The following RAMP1 variants were observed in gnomAD, a reference collection of about 807,000 sequenced individuals.
RAMP1 encodes the protein receptor activity-modifying protein 1.
A neutral mutation model predicts 8.2 loss-of-function variants in RAMP1; 7 were observed. That is an observed-to-expected ratio of 0.85 (90% CI 0.49 to 1.60). The LOEUF is 1.60. Among genes scored for constraint, RAMP1 ranks in the 40% most tolerant of loss-of-function variants. The pLI, the probability that RAMP1 is intolerant of heterozygous loss-of-function variation, is 0.00. For missense variants in RAMP1, 192 were observed against 202.4 expected, an observed-to-expected ratio of 0.95 and a Z score of 0.31; for synonymous variants, 92 against 84.7, an observed-to-expected ratio of 1.09 and a Z score of -0.47.
intron 2 of RAMP1, among the ~76,000 whole-genome samples, chr2:237,882,467 T>G (rs1475542654): frequency 6.6e-6 from 1 of 152,172 alleles, no homozygotes; most frequent in African/African-American, 2.4e-5. Flanking sequence ...TTGTGATTGC[T>G]GCTTCACCTG....
At chr2:237,873,211 G>A (rs2151006459) in intron 1 of RAMP1, among the ~76,000 whole-genome samples, 2 of 152,306 alleles carry the variant, frequency 1.3e-5, no homozygotes, top group Middle Eastern at 6.8e-3. Context: ...GCTGGGAGGA[G>A]GACAGTGATG....
At chr2:237,860,380 T>G (rs1157408433) in intron 1 of RAMP1, among the ~76,000 whole-genome samples, 2 of 152,204 alleles carry the variant, frequency 1.3e-5, no homozygotes, top group Non-Finnish European at 2.9e-5. Context: ...AATAGAAATT[T>G]AAAGAAGGAC....
intron 2 of RAMP1, among the ~76,000 whole-genome samples, chr2:237,888,023 A>G (rs2062451230): frequency 6.6e-6 from 1 of 152,050 alleles, no homozygotes; most frequent in Admixed American, 6.6e-5. Context: ...AAGTAGGCTT[A>G]CTGTAGCATG....
intron 1 of RAMP1, among the ~76,000 whole-genome samples, chr2:237,876,092 G>A (rs570343717): frequency 6.6e-6 from 1 of 152,118 alleles, no homozygotes; most frequent in African/African-American, 2.4e-5. Context: ...TGTGTGAAGA[G>A]CTCCAGGGTG....
intron 2 of RAMP1, among the ~76,000 whole-genome samples, chr2:237,896,677 A>T (rs1357330500): frequency 6.6e-6 from 1 of 152,114 alleles, no homozygotes; most frequent in Non-Finnish European, 1.5e-5. Flanking sequence ...GCAGGGTCTC[A>T]CTCTGCCGCC....
chr2:237,859,522 G>T (rs1005546499), upstream of RAMP1: 65 of 295,764 alleles, frequency 2.2e-4, no homozygotes, highest in Admixed American at 3.2e-4. Flanking sequence ...CCCACGCGGG[G>T]AGCCGCAGTG....
intron 2 of RAMP1, among the ~76,000 whole-genome samples, chr2:237,897,699 CGT>C (rs1351137142): frequency 2.7e-5 from 4 of 150,840 alleles, no homozygotes; most frequent in African/African-American, 9.7e-5. Context: ...TACAGATCCA[CGT>C]GTCTTAGTGG....
At chr2:237,895,288 G>A (rs1263967472) in intron 2 of RAMP1, among the ~76,000 whole-genome samples, 2 of 152,172 alleles carry the variant, frequency 1.3e-5, no homozygotes, top group South Asian at 2.1e-4. Context: ...CTGTGGGGGG[G>A]TCATGGGCTC....
Position 237,862,806 on chromosome 2 carries a change from A to T in RAMP1, c.52+3079A>T, listed in dbSNP as rs1429093713. On this transcript the variant is annotated intron_variant, in intron 1 of 2. Coordinates refer to ENST00000254661, the MANE Select transcript of RAMP1 (RefSeq NM_005855.4). The surrounding 1 kb of genome is among the most constrained non-coding windows in gnomAD (Gnocchi z 4.0). The stretch of plus-strand genomic sequence containing the variant: ...CAGGCCTGGCCATCCAGATGGTCCC[A>T]GGGAGGAGACTGGCCGCAGGCTGGA... Among the ~76,000 whole-genome samples the T allele has an allele frequency of 6.6e-6, 1 of 152,134 alleles. No homozygotes were observed. The highest frequency in any genetic ancestry group is 1.9e-4 in the East Asian group (1 of 5,182).
At chr2:237,864,201 G>A (rs1033564471) in intron 1 of RAMP1, among the ~76,000 whole-genome samples, 1 of 152,164 alleles carries the variant, frequency 6.6e-6, no homozygotes, top group African/African-American at 2.4e-5. Context: ...GCTTGCCCAG[G>A]AAGCCCTGCC....
chr2:237,895,018 C>T (rs557118094), intron 2 of RAMP1, among the ~76,000 whole-genome samples: 1 of 152,284 alleles, frequency 6.6e-6, no homozygotes, highest in Non-Finnish European at 1.5e-5. Flanking sequence ...TTGCTGAGCA[C>T]TTAGCAGGCA....
Position 237,877,561 on chromosome 2 carries a change from G to A in RAMP1, c.191+199G>A, listed in dbSNP as rs12477382. On this transcript the variant is annotated intron_variant, in intron 2 of 2. Transcript: ENST00000254661. This position sits in a 1 kb window ranked among gnomAD's most constrained non-coding sequence, Gnocchi z 4.4. ...ACGTGAAGAGTGACGGTGGGAGGAG[G>A]CCACGTCCTCAATAATCTGGTCTGG... Among the ~76,000 whole-genome samples, 15,486 of 152,194 alleles carry A rather than the reference G, an allele frequency of 0.1. 978 individuals are homozygous for A. The highest frequency in any genetic ancestry group is 0.24 in the Middle Eastern group (72 of 294).
chr2:237,907,335 C>A (rs553405679), intron 2 of RAMP1, among the ~76,000 whole-genome samples: 93 of 152,286 alleles, frequency 6.1e-4, no homozygotes, highest in African/African-American at 2.1e-3. Context: ...CTTCTTGGAT[C>A]TGCGATTTTA....
intron 2 of RAMP1, among the ~76,000 whole-genome samples, chr2:237,906,571 T>G (rs2062653418): frequency 6.6e-6 from 1 of 152,222 alleles, no homozygotes; most frequent in Admixed American, 6.5e-5. Flanking sequence ...TCATTTTCAC[T>G]GTTTTTGGAG....
At position 237,861,676 on chromosome 2, in the gene RAMP1, C is replaced by G. The variant is rs1281754528; in HGVS notation, c.52+1949C>G. On this transcript the variant is annotated intron_variant, in intron 1 of 2. Coordinates refer to ENST00000254661, the MANE Select transcript of RAMP1 (RefSeq NM_005855.4). ...CAGCCTGGCCAACATGGTGAAACCC[C>G]GTCTCTACTAAAAATACAAAAAAAA... is the stretch of plus-strand genomic sequence containing the variant. Among the ~76,000 whole-genome samples the G allele has an allele frequency of 5.9e-5, 9 of 151,966 alleles. No individual in the cohort carries two copies. The East Asian group carries it at 1.7e-3, about 29-fold the overall frequency.
intron 1 of RAMP1, among the ~76,000 whole-genome samples, chr2:237,874,278 A>AC (rs1306584636): frequency 6.6e-6 from 1 of 152,206 alleles, no homozygotes; most frequent in Non-Finnish European, 1.5e-5. Context: ...AGGGAGGGCC[A>AC]CCCTGTGGCC....
chr2:237,896,886 C>A (rs2062547741), intron 2 of RAMP1, among the ~76,000 whole-genome samples: 1 of 152,166 alleles, frequency 6.6e-6, no homozygotes, highest in Admixed American at 6.5e-5. Context: ...TGGGCTCAAG[C>A]GATCCTCCTG....
In RAMP1 at chr2:237,872,394, C is replaced by T. The variant is rs117751535; in HGVS notation, c.53-4830C>T. ...AGTGTGGGGTGGCCAGGTGACTGCCCAGGTCGTGGGACTCACGCGTGCCCA... is the reference window on the plus strand; with the variant it reads ...AGTGTGGGGTGGCCAGGTGACTGCCTAGGTCGTGGGACTCACGCGTGCCCA... On this transcript the variant is annotated intron_variant, in intron 1 of 2. Coordinates refer to ENST00000254661, the MANE Select transcript of RAMP1 (RefSeq NM_005855.4). Among the ~76,000 whole-genome samples, 3 of 152,296 alleles carry T rather than the reference C, an allele frequency of 2.0e-5. No homozygotes were observed. In the East Asian group the frequency reaches 5.8e-4, roughly 29 times the overall value.
intron 2 of RAMP1, among the ~76,000 whole-genome samples, chr2:237,891,730 A>G (rs1415599370): frequency 6.6e-6 from 1 of 152,206 alleles, no homozygotes; most frequent in Non-Finnish European, 1.5e-5. Flanking sequence ...CCACCAAAAC[A>G]ACCATTAATG....
Sources: gnomAD v4.1 joint callset for allele counts (sites outside exome capture counted in the v4.1 genomes callset) on GRCh38, gnomAD v4.1.1 for gene constraint, Gnocchi (gnomAD v3.1) non-coding constraint, MANE v1.5 for transcripts, NCBI Gene and HGNC (gene_info 2026-07-23, HGNC 2026-07-21) for gene names.